Variants in DHX57 observed in about 807,000 individuals in gnomAD.
DHX57 encodes the protein DExH-box helicase 57.
Under a neutral mutation model 156.2 loss-of-function variants are expected in DHX57, and 105 were observed. The ratio of observed to expected loss-of-function variants is 0.67; its 90% CI spans 0.57 to 0.79. DHX57 has a LOEUF of 0.79. Among genes scored for constraint, DHX57 ranks in the 30% least tolerant of loss-of-function variants. DHX57 has a pLI of 0.00. For missense variants in DHX57, 1,847 were observed against 1,661.9 expected, an observed-to-expected ratio of 1.11 and a Z score of -1.94; for synonymous variants, 704 against 595.6, an observed-to-expected ratio of 1.18 and a Z score of -2.65.
chr2:38,829,001 C>T (rs937309309), intron 13 of DHX57, among the ~76,000 whole-genome samples: 8 of 149,840 alleles, frequency 5.3e-5, no homozygotes, highest in Admixed American at 3.3e-4. Flanking sequence ...AGTGCAGTTG[C>T]GCGATCACGG....
At chr2:38,798,685 C>T (rs1669511833) in intron 23 of DHX57, among the ~76,000 whole-genome samples, 1 of 152,226 alleles carries the variant, frequency 6.6e-6, no homozygotes, top group Non-Finnish European at 1.5e-5. Flanking sequence ...GTGGCTCACG[C>T]CTGTAATCCC....
chr2:38,807,996 C>A (rs1408578450), intron 21 of DHX57, among the ~76,000 whole-genome samples: 3 of 119,350 alleles, frequency 2.5e-5, no homozygotes, highest in Non-Finnish European at 5.0e-5. Flanking sequence ...TGTTGTGTCA[C>A]CAGGCTGGAG....
intron 17 of DHX57, among the ~76,000 whole-genome samples, chr2:38,821,317 C>T (rs1393518714): frequency 2.6e-5 from 4 of 151,902 alleles, no homozygotes; most frequent in African/African-American, 9.7e-5. Flanking sequence ...AAAAGAAGAG[C>T]CACCTAAACC....
At chr2:38,857,339 T>C (rs1341076541) in intron 6 of DHX57, among the ~76,000 whole-genome samples, 1 of 152,142 alleles carries the variant, frequency 6.6e-6, no homozygotes, top group African/African-American at 2.4e-5. Context: ...ACTATATAAA[T>C]CAATTTCATA....
At chr2:38,811,228 C>G in intron 21 of DHX57, 1 of 496,168 alleles carries the variant, frequency 2.0e-6, no homozygotes, top group South Asian at 1.7e-5. Flanking sequence ...GGTTGTAGAA[C>G]TCAGGGATCC....
At chr2:38,842,181 T>A (rs545062507) in intron 12 of DHX57, among the ~76,000 whole-genome samples, 2 of 152,290 alleles carry the variant, frequency 1.3e-5, no homozygotes, top group Admixed American at 1.3e-4. Flanking sequence ...CAAAAATGTA[T>A]AACCTAAATT....
chr2:38,819,237 C>T (rs1013711902), intron 17 of DHX57, 93 bp from the exon 18 acceptor site: 10 of 1,136,818 alleles, frequency 8.8e-6, no homozygotes, highest in Admixed American at 2.0e-5. Flanking sequence ...TGCAGTGGTG[C>T]GATCATAGCC....
intron 19 of DHX57, among the ~76,000 whole-genome samples, chr2:38,816,417 T>C (rs1040936560): frequency 6.6e-6 from 1 of 151,816 alleles, no homozygotes; most frequent in Admixed American, 6.6e-5. Context: ...GGTTTCACCA[T>C]GTTGGCCAGG....
chr2:38,803,052 C>G, intron 22 of DHX57, 137 bp from the exon 23 acceptor site: 1 of 812,812 alleles, frequency 1.2e-6, no homozygotes, highest in East Asian at 2.6e-5. Context: ...TTCCTGAGCT[C>G]CAGATCTGCA....
chr2:38,800,043 C>G (rs1218892340), intron 23 of DHX57, among the ~76,000 whole-genome samples: 1 of 151,322 alleles, frequency 6.6e-6, no homozygotes, highest in South Asian at 2.1e-4. Flanking sequence ...CAAAATTAGC[C>G]GGGTGGTGGC....
At chr2:38,802,580 G>A (rs1288182629) in intron 23 of DHX57, 135 bp downstream of exon 23, 3 of 1,108,746 alleles carry the variant, frequency 2.7e-6, no homozygotes, top group Non-Finnish European at 3.8e-6. Flanking sequence ...GAGCCACTGG[G>A]CTCGGCCACC....
At chr2:38,831,161 CATACTATTAT>C (rs963120705) in intron 13 of DHX57, among the ~76,000 whole-genome samples, 20 of 151,702 alleles carry the variant, frequency 1.3e-4, no homozygotes, top group Admixed American at 5.2e-4. Context: ...AACGATGAAA[CATACTATTAT>C]ATATGGATTG....
intron 11 of DHX57, 123 bp from the exon 12 acceptor site, chr2:38,843,333 C>T: frequency 3.2e-6 from 3 of 940,044 alleles, no homozygotes; most frequent in Non-Finnish European, 4.9e-6. Flanking sequence ...ACATGCCATC[C>T]TTCCACCAGT....
rs1669457552 is a variant in DHX57, at chr2:38,797,778, C to T, written c.*521G>A. The T allele has an allele frequency of 6.5e-6, 1 of 153,856 alleles. No individual in the cohort carries two copies. The allele number at this position is 153,856 out of a possible 1,614,324, so 9.5% of individuals were successfully genotyped here. Reference sequence around the variant, plus strand: ...GTAAAAATAAAAACCCCTCACAAGTCAAGTTTACTCAGTAGCCAATAGCCT... The same window carrying T: ...GTAAAAATAAAAACCCCTCACAAGTTAAGTTTACTCAGTAGCCAATAGCCT... On this transcript the variant is annotated 3_prime_UTR_variant, in exon 24 of 24. Transcript: ENST00000457308.
intron 14 of DHX57, 89 bp downstream of exon 14, chr2:38,828,251 T>A: frequency 1.1e-6 from 1 of 905,444 alleles, no homozygotes; most frequent in Non-Finnish European, 1.6e-6. Flanking sequence ...GCTCGAAGAC[T>A]GGTGCTCTTC....
At chr2:38,870,776 G>A (rs1036667917) in intron 1 of DHX57, among the ~76,000 whole-genome samples, 1 of 152,084 alleles carries the variant, frequency 6.6e-6, no homozygotes, top group South Asian at 2.1e-4. Context: ...CTGCTTCGGA[G>A]GCTGAGGCAG....
chr2:38,798,405 T>C lies in DHX57; in HGVS notation c.4055A>G (p.Asp1352Gly). The C allele has an allele frequency of 6.2e-7, 1 of 1,614,008 alleles. No individual in the cohort carries two copies. The highest frequency in any genetic ancestry group is 8.5e-7 in the Non-Finnish European group (1 of 1,179,964). ...TTTAATTTTATCCTGGAGAAGCTGA[T>C]CAAGTTCGCAACGAAGCTCCTTTAC... ...ELVKELRCEL[D>G]QLLQDKIKNP... is the part of the protein sequence containing the mutation. The change falls in exon 24 of 24, where the codon GAT becomes GGT. Residue 1352 changes from aspartate to glycine, a missense_variant. Transcript: ENST00000457308.
At chr2:38,838,300 T>C (rs1455126417) in intron 12 of DHX57, among the ~76,000 whole-genome samples, 1 of 152,170 alleles carries the variant, frequency 6.6e-6, no homozygotes, top group Non-Finnish European at 1.5e-5. Context: ...GGGGTCTTGC[T>C]GTGTTGCCCA....
At position 38,800,939 on chromosome 2, in the gene DHX57, A is replaced by G. The variant is rs1378871809; in HGVS notation, c.4017+1776T>C. The stretch of plus-strand genomic sequence containing the variant: ...CCCGATTTTGAAGACTTAATATGAA[A>G]AGGTAATGTAAACTATCTTAATAAT... On this transcript the variant is annotated intron_variant, in intron 23 of 23. Transcript: ENST00000457308. 1.3e-4 allele frequency among the ~76,000 whole-genome samples: 20 copies of G among 152,210 alleles called. 1 individual carries two copies. Among genetic ancestry groups the G allele is most frequent in the Admixed American group, 1.3e-3 (20 of 15,272 alleles).
Sources: gnomAD v4.1 joint callset for allele counts (sites outside exome capture counted in the v4.1 genomes callset) on GRCh38, gnomAD v4.1.1 for gene constraint, MANE v1.5 for transcripts, NCBI Gene and HGNC (gene_info 2026-07-23, HGNC 2026-07-21) for gene names.